SMG6: variants seen among roughly 807,000 people sequenced by gnomAD.
SMG6 encodes the protein telomerase-binding protein EST1A.
A neutral mutation model predicts 142.2 loss-of-function variants in SMG6; 66 were observed. The observed-to-expected ratio is 0.46, with a 90% CI of 0.38 to 0.57. The LOEUF is 0.57. Among genes scored for constraint, SMG6 ranks in the 20% least tolerant of loss-of-function variants. SMG6 has a pLI of 0.00. For synonymous variants in SMG6, 779 were observed against 702.4 expected, an observed-to-expected ratio of 1.11 and a Z score of -1.72; for missense variants, 1,793 against 1,832.0, an observed-to-expected ratio of 0.98 and a Z score of 0.39.
In SMG6 at chr17:2,300,683, A is replaced by C. The variant is rs1164045276; in HGVS notation, c.89-19T>G. ...ATGTTTTCTGTTATGTCGGGGAAAG[A>C]GTTTGGGAGGGAAAGGTAGAAGATA... On this transcript the variant is annotated intron_variant, in intron 1 of 18. Transcript: ENST00000263073. The C allele has an allele frequency of 1.9e-6, 3 of 1,546,404 alleles. No individual in the cohort carries two copies. Among genetic ancestry groups the C allele is most frequent in the Non-Finnish European group, 2.6e-6 (3 of 1,150,818 alleles).
chr17:2,288,271 G>C (rs949445842), intron 6 of SMG6, among the ~76,000 whole-genome samples: 2 of 151,932 alleles, frequency 1.3e-5, no homozygotes, highest in African/African-American at 2.4e-5. Flanking sequence ...CCAAGATCGT[G>C]CCACTGCACT....
Position 2,068,029 on chromosome 17 carries a change from T to C in SMG6, c.3835+749A>G, listed in dbSNP as rs951966368. 3.3e-5 allele frequency among the ~76,000 whole-genome samples: 5 copies of C among 152,122 alleles called. No homozygotes were observed. The highest frequency in any genetic ancestry group is 4.8e-5 in the African/African-American group (2 of 41,416). ...AGACTCTCTCCCTCCACAGAGGCCA[T>C]CAGCTAGATATGAGCCCAGAGCCCA... On this transcript the variant is annotated intron_variant, in intron 16 of 18. Transcript: ENST00000263073. The surrounding 1 kb of genome is among the most constrained non-coding windows in gnomAD (Gnocchi z 6.7).
rs540157454 is a variant in SMG6, at chr17:2,299,952, G to A, written c.801C>T (p.Ser267=). 3.0e-5 allele frequency: 48 copies of A among 1,614,056 alleles called. No individual in the cohort carries two copies. The highest frequency in any genetic ancestry group is 2.4e-4 in the South Asian group (22 of 91,084). The change falls in exon 2 of 19, where the codon AGC becomes AGT. Residue 267 remains serine, a synonymous_variant. Transcript: ENST00000263073. This position sits in a 1 kb window ranked among gnomAD's most constrained non-coding sequence, Gnocchi z 4.3. ...TATCCGTCAGGCCAGCTCCCTCAGC[G>A]CTGTTGTTGCTGCCAGCTGAGCTGG... is the stretch of plus-strand genomic sequence containing the variant. ...RSTSSAGSNN[S]AEGAGLTDNG... is the part of the protein sequence containing the mutation.
intron 11 of SMG6, among the ~76,000 whole-genome samples, chr17:2,188,023 A>G (rs2072045133): frequency 6.6e-6 from 1 of 152,144 alleles, no homozygotes; most frequent in East Asian, 1.9e-4. Flanking sequence ...GCGGTTACAG[A>G]ACTCACCAGG....
At chr17:2,280,554 C>T (rs1421373643) in intron 8 of SMG6, 9 of 981,886 alleles carry the variant, frequency 9.2e-6, no homozygotes, top group African/African-American at 1.7e-5. Flanking sequence ...TAAGCCACCG[C>T]GTCAGGCCAG....
intron 13 of SMG6, among the ~76,000 whole-genome samples, chr17:2,094,325 A>C (rs1236444837): frequency 6.6e-6 from 1 of 152,084 alleles, no homozygotes; most frequent in Admixed American, 6.5e-5. Context: ...ATATCAGCTC[A>C]CTGCAACCTC....
chr17:2,298,885 C>T (rs1490590566), intron 2 of SMG6, 21 bp downstream of exon 2: 5 of 1,596,966 alleles, frequency 3.1e-6, no homozygotes, highest in Non-Finnish European at 4.3e-6. Flanking sequence ...TTCCCTCCAG[C>T]CAGAATAGAC....
chr17:2,303,117 G>C (rs1296768316), intron 1 of SMG6: 1 of 985,326 alleles, frequency 1.0e-6, no homozygotes, highest in Non-Finnish European at 1.2e-6. Context: ...GTAGTCTGAG[G>C]TCCCGGATCC....
intron 13 of SMG6, among the ~76,000 whole-genome samples, chr17:2,106,385 A>AG (rs1445788337): frequency 4.6e-5 from 7 of 152,092 alleles, no homozygotes; most frequent in Admixed American, 2.6e-4. Flanking sequence ...AAAGGAAGGG[A>AG]GGGGGGTCTC....
chr17:2,217,989 G>A (rs1436309189), intron 10 of SMG6, among the ~76,000 whole-genome samples: 4 of 150,466 alleles, frequency 2.7e-5, no homozygotes, highest in Non-Finnish European at 5.9e-5. Flanking sequence ...CAGCTTGGGC[G>A]ACACAGCGAG....
chr17:2,143,192 GTT>G, intron 13 of SMG6, among the ~76,000 whole-genome samples: 1 of 152,288 alleles, frequency 6.6e-6, no homozygotes, highest in East Asian at 1.9e-4. Context: ...GTTAAACACA[GTT>G]TACCATATGA....
chr17:2,280,590 G>A lies in SMG6; in HGVS notation c.2661+2057C>T, dbSNP rs906076271. ...AAACTGCAGATTTCTTCGAGGGCTG[G>A]TAGCCTAAAATGAAAAGCTCAAACT... On this transcript the variant is annotated intron_variant, in intron 8 of 18. Transcript: ENST00000263073. The A allele has an allele frequency of 4.1e-6, 4 of 985,042 alleles. No individual in the cohort carries two copies. In the African/African-American group the frequency reaches 7.0e-5, roughly 17 times the overall value. 61.0% of individuals were successfully genotyped at this position (985,042 alleles called of 1,614,324 possible).
At chr17:2,126,663 C>T (rs1482043813) in intron 13 of SMG6, among the ~76,000 whole-genome samples, 2 of 150,380 alleles carry the variant, frequency 1.3e-5, no homozygotes, top group African/African-American at 4.9e-5. Flanking sequence ...TTGCAGTGAG[C>T]CAAGATCAAG....
At chr17:2,098,100 C>T (rs547234211) in intron 13 of SMG6, among the ~76,000 whole-genome samples, 1 of 152,092 alleles carries the variant, frequency 6.6e-6, no homozygotes, top group Non-Finnish European at 1.5e-5. Context: ...GTGATCCTTC[C>T]GCCTCAACTT....
At chr17:2,278,622 G>A (rs189460170) in intron 8 of SMG6, among the ~76,000 whole-genome samples, 36 of 152,178 alleles carry the variant, frequency 2.4e-4, no homozygotes, top group African/African-American at 6.0e-4. Flanking sequence ...GTATTGGAAC[G>A]AGTGATCATT....
At chr17:2,172,232 A>G (rs746471059) in intron 13 of SMG6, among the ~76,000 whole-genome samples, 8 of 150,312 alleles carry the variant, frequency 5.3e-5, no homozygotes, top group Non-Finnish European at 8.9e-5. Context: ...CTCTCTAGTC[A>G]CCTATTTATC....
chr17:2,081,780 T>C (rs200469662), intron 15 of SMG6, 30 bp downstream of exon 15: 1,026 of 1,610,426 alleles, frequency 6.4e-4, no homozygotes, highest in Admixed American at 1.7e-3. Flanking sequence ...ACCCCCATAG[T>C]GGGAACCACG....
intron 1 of SMG6, among the ~76,000 whole-genome samples, chr17:2,301,917 T>C (rs1035192397): frequency 6.6e-6 from 1 of 151,982 alleles, no homozygotes; most frequent in Admixed American, 6.6e-5. Flanking sequence ...GTGACAGAAT[T>C]CGGGAGAATA....
At chr17:2,183,609 A>G (rs1371020097) in intron 12 of SMG6, among the ~76,000 whole-genome samples, 1 of 152,234 alleles carries the variant, frequency 6.6e-6, no homozygotes, top group Non-Finnish European at 1.5e-5. Context: ...CTTTATGGAC[A>G]CTAAAATCTG....
Sources: gnomAD v4.1 joint callset for allele counts (sites outside exome capture counted in the v4.1 genomes callset) on GRCh38, gnomAD v4.1.1 for gene constraint, Gnocchi (gnomAD v3.1) non-coding constraint, MANE v1.5 for transcripts, NCBI Gene and HGNC (gene_info 2026-07-23, HGNC 2026-07-21) for gene names.